LDLRAD4: variants seen among roughly 807,000 people sequenced by gnomAD.
LDLRAD4 encodes low-density lipoprotein receptor class A domain-containing protein 4.
Under a neutral mutation model 17.0 loss-of-function variants are expected in LDLRAD4, and 5 were observed. That is an observed-to-expected ratio of 0.29 (90% CI 0.15 to 0.62). The LOEUF (loss-of-function observed/expected upper bound fraction) is 0.62. Ranked by LOEUF, LDLRAD4 falls within the 20% of genes least tolerant of loss-of-function variation. LDLRAD4 has a pLI of 0.84. For missense variants in LDLRAD4, 340 were observed against 424.7 expected (o/e 0.80, Z 1.75); for synonymous variants, 168 against 171.8 (o/e 0.98, Z 0.17).
chr18:13,486,519 G>A (rs889608857), intron 3 of LDLRAD4: 9 of 152,344 alleles, frequency 5.9e-5, no homozygotes, highest in East Asian at 3.8e-4. Context: ...CAGGGAGAAC[G>A]CGGAGCAGCA....
intron 2 of LDLRAD4, among the ~76,000 whole-genome samples, chr18:13,422,791 T>C (rs2089608038): frequency 6.6e-6 from 1 of 152,222 alleles, no homozygotes; most frequent in African/African-American, 2.4e-5. Context: ...AACAGATCTG[T>C]TTTTTCCTCT....
chr18:13,324,900 C>T (rs1313013994), intron 1 of LDLRAD4, among the ~76,000 whole-genome samples: 1 of 152,198 alleles, frequency 6.6e-6, no homozygotes, highest in African/African-American at 2.4e-5. Flanking sequence ...TTGATTTTCG[C>T]TCACTGAATA....
chr18:13,501,685 T>G (rs1031777798), intron 3 of LDLRAD4, among the ~76,000 whole-genome samples: 1 of 151,040 alleles, frequency 6.6e-6, no homozygotes, highest in Non-Finnish European at 1.5e-5. Context: ...GGGTCCGGAG[T>G]GAGAGGAGAA....
chr18:13,632,544 GA>G (rs2041758130), intron 4 of LDLRAD4, among the ~76,000 whole-genome samples: 1 of 152,192 alleles, frequency 6.6e-6, no homozygotes, highest in Non-Finnish European at 1.5e-5. Context: ...CGGAAGCTTG[GA>G]GACACCAGGA....
chr18:13,331,992 C>T (rs1161550377), intron 1 of LDLRAD4, among the ~76,000 whole-genome samples: 1 of 152,218 alleles, frequency 6.6e-6, no homozygotes, highest in Admixed American at 6.5e-5. Flanking sequence ...TGTGCCATGG[C>T]ACCTGCCAGA....
rs566132720 is a variant in LDLRAD4 at position 13,224,567 on chromosome 18, C to G, written c.-467+5579C>G. 2.2e-5 allele frequency among the ~76,000 whole-genome samples: 3 copies of G among 137,452 alleles called. No homozygotes were observed. The South Asian group carries it at 6.9e-4, about 32-fold the overall frequency. The allele number at this position is 137,452 out of a possible 152,430, so 90.2% of individuals were successfully genotyped here. A position where few individuals can be genotyped will look rare whatever the true frequency, so the allele number is the denominator to read the frequency against. ...CAATCTCGGCCCACTGTAAGCTCTGCCTCCAGGGTTCATGCCATTCTCCTG... is the reference window on the plus strand; with the variant it reads ...CAATCTCGGCCCACTGTAAGCTCTGGCTCCAGGGTTCATGCCATTCTCCTG... On this transcript the variant is annotated intron_variant, in intron 1 of 5. Coordinates refer to the LDLRAD4 transcript ENST00000399848.
rs543403267 is a variant in LDLRAD4 at position 13,494,091 on chromosome 18, A to G, written c.181+55707A>G. 1.1e-3 allele frequency among the ~76,000 whole-genome samples: 175 copies of G among 152,274 alleles called. 2 individuals are homozygous for G. Among genetic ancestry groups the G allele is most frequent in the Admixed American group, 0.011 (175 of 15,308 alleles). ...AGCTGACAGCCAACATGACCTCGAC[A>G]TGAGTTTGGGGAGAAGGAGCAGGGC... On this transcript the variant is annotated intron_variant, in intron 3 of 5. Transcript: ENST00000359446.
chr18:13,483,521 T>G (rs1302343449), intron 3 of LDLRAD4, among the ~76,000 whole-genome samples: 1 of 152,138 alleles, frequency 6.6e-6, no homozygotes, highest in South Asian at 2.1e-4. Flanking sequence ...GCCAGCATGG[T>G]GGGTGGGAGC....
intron 3 of LDLRAD4, among the ~76,000 whole-genome samples, chr18:13,575,318 A>AT (rs2094753238): frequency 6.6e-6 from 1 of 152,228 alleles, no homozygotes; most frequent in Non-Finnish European, 1.5e-5. Context: ...GAGTGAGAAC[A>AT]TATGATGTTT....
intron 4 of LDLRAD4, among the ~76,000 whole-genome samples, chr18:13,641,587 G>A (rs1374309649): frequency 7.2e-5 from 11 of 152,252 alleles, no homozygotes; most frequent in Admixed American, 7.2e-4. Context: ...GAGGGAGGCC[G>A]GGGCCTGTGG....
intron 3 of LDLRAD4, among the ~76,000 whole-genome samples, chr18:13,578,711 T>A (rs1039476150): frequency 6.6e-6 from 1 of 151,982 alleles, no homozygotes; most frequent in Non-Finnish European, 1.5e-5. Context: ...TATATTTAGC[T>A]TGGAGCAACT....
chr18:13,550,177 A>G (rs1192735307), intron 3 of LDLRAD4, among the ~76,000 whole-genome samples: 3 of 152,226 alleles, frequency 2.0e-5, no homozygotes, highest in African/African-American at 7.2e-5. Context: ...TGTAAGTTCT[A>G]TCATGGAAAA....
intron 3 of LDLRAD4, among the ~76,000 whole-genome samples, chr18:13,441,502 G>C (rs570186054): frequency 2.0e-5 from 3 of 152,344 alleles, no homozygotes; most frequent in African/African-American, 7.2e-5. Flanking sequence ...GTTCCCACCT[G>C]GGGGATATAC....
At chr18:13,330,848 C>T (rs1172467996) in intron 1 of LDLRAD4, among the ~76,000 whole-genome samples, 1 of 152,130 alleles carries the variant, frequency 6.6e-6, no homozygotes, top group Non-Finnish European at 1.5e-5. Context: ...TTAAGTTGAT[C>T]ACCAGTGGCC....
intron 1 of LDLRAD4, among the ~76,000 whole-genome samples, chr18:13,383,772 A>G (rs954783124): frequency 2.0e-5 from 3 of 151,632 alleles, no homozygotes; most frequent in African/African-American, 7.3e-5. Context: ...GTCACCTGAC[A>G]CACTTACTGA....
At chr18:13,551,284 C>A (rs2094431997) in intron 3 of LDLRAD4, among the ~76,000 whole-genome samples, 1 of 152,142 alleles carries the variant, frequency 6.6e-6, no homozygotes, top group Non-Finnish European at 1.5e-5. Context: ...CTGTGCTGAC[C>A]TTCCTATCAG....
chr18:13,325,648 C>A (rs892751530), intron 1 of LDLRAD4, among the ~76,000 whole-genome samples: 1 of 152,236 alleles, frequency 6.6e-6, no homozygotes, highest in Non-Finnish European at 1.5e-5. Context: ...AGGCCGATCC[C>A]GGCACTCAGC....
At chr18:13,387,873 A>G (rs368596811) in intron 2 of LDLRAD4, 111 bp downstream of exon 3, 4 of 919,360 alleles carry the variant, frequency 4.4e-6, no homozygotes, top group African/African-American at 1.6e-5. Flanking sequence ...CTGAAGGCCA[A>G]CGCAGTCAAG....
chr18:13,440,547 A>G lies in LDLRAD4; in HGVS notation c.181+2163A>G, dbSNP rs2090957201. Among the ~76,000 whole-genome samples, 1 of 152,128 alleles carries G rather than the reference A, an allele frequency of 6.6e-6. No homozygotes were observed. Among genetic ancestry groups the G allele is most frequent in the African/African-American group, 2.4e-5 (1 of 41,414 alleles). Reference sequence around the variant, plus strand: ...TATTTACAATATACTCTCTTCTAAGAAGACTGGAGAGCCAGGAGACGGAAT... The same window carrying G: ...TATTTACAATATACTCTCTTCTAAGGAGACTGGAGAGCCAGGAGACGGAAT... On this transcript the variant is annotated intron_variant, in intron 3 of 5. Coordinates refer to ENST00000359446, the Ensembl canonical transcript of LDLRAD4. The surrounding 1 kb of genome is among the most constrained non-coding windows in gnomAD (Gnocchi z 4.4).
Sources: gnomAD v4.1 joint callset for allele counts (sites outside exome capture counted in the v4.1 genomes callset) on GRCh38, gnomAD v4.1.1 for gene constraint, Gnocchi (gnomAD v3.1) non-coding constraint, MANE v1.5 for transcripts, NCBI Gene and HGNC (gene_info 2026-07-23, HGNC 2026-07-21) for gene names.